RBMS3: variants seen among roughly 807,000 people sequenced by gnomAD.
RBMS3 encodes the protein RNA-binding motif, single-stranded-interacting protein 3.
In RBMS3, 27 loss-of-function variants were observed where a neutral mutation model predicts 66.8. The ratio of observed to expected loss-of-function variants is 0.40; its 90% CI spans 0.30 to 0.56. RBMS3 has a LOEUF of 0.56. Ranked by LOEUF, RBMS3 falls within the 20% of genes least tolerant of loss-of-function variation. The probability of loss-of-function intolerance (pLI) is 0.40; values close to 1 mark genes in which losing one functional copy is unlikely to be tolerated. For missense variants in RBMS3, 513 were observed against 549.5 expected (o/e 0.93, Z 0.66); for synonymous variants, 188 against 183.0 (o/e 1.03, Z -0.22).
intron 1 of RBMS3, among the ~76,000 whole-genome samples, chr3:29,367,129 G>C (rs1018187265): frequency 3.3e-5 from 5 of 152,004 alleles, no homozygotes; most frequent in Admixed American, 3.3e-4. Context: ...GGAGAGAATT[G>C]AATGTGCTTA....
Position 29,587,181 on chromosome 3 carries a change from T to C in RBMS3, c.375T>C (p.Asn125=). Residue 125 remains asparagine, a synonymous_variant, in exon 4 of 15, where the codon AAT becomes AAC. Coordinates refer to ENST00000383767, the MANE Select transcript of RBMS3 (RefSeq NM_001003793.3). ...AQKAVASLKA[N]GVQAQMAKQQ... The stretch of plus-strand genomic sequence containing the variant: ...AAGCGGTAGCATCTCTCAAGGCAAA[T>C]GGCGTGCAGGCACAGATGGCTAAGG... 1 of 1,578,730 alleles carries C rather than the reference T, an allele frequency of 6.3e-7. No individual in the cohort carries two copies. Among genetic ancestry groups the C allele is most frequent in the Non-Finnish European group, 8.6e-7 (1 of 1,160,956 alleles).
chr3:29,816,266 G>A (rs2057893658), intron 6 of RBMS3, among the ~76,000 whole-genome samples: 1 of 151,092 alleles, frequency 6.6e-6, no homozygotes, highest in Non-Finnish European at 1.5e-5. Context: ...AAAGTCATGT[G>A]CATCCCCCTG....
intron 4 of RBMS3, among the ~76,000 whole-genome samples, chr3:29,664,913 T>C (rs1293830881): frequency 6.6e-6 from 1 of 152,012 alleles, no homozygotes; most frequent in Non-Finnish European, 1.5e-5. Context: ...CAAGAATCCA[T>C]TGCGGAAGAA....
At position 30,003,944 on chromosome 3, in the gene RBMS3, C is replaced by T; in HGVS notation, c.*82C>T. ...ACAAGAAGTTGGCTTCCAGTTTGCA[C>T]AGACGTCAATGGAATGCATTTTTTT... On this transcript the variant is annotated 3_prime_UTR_variant, in exon 15 of 15. Coordinates refer to ENST00000383767, the MANE Select transcript of RBMS3 (RefSeq NM_001003793.3). The T allele has an allele frequency of 8.2e-7, 1 of 1,215,104 alleles. No homozygotes were observed. The highest frequency in any genetic ancestry group is 1.1e-6 in the Non-Finnish European group (1 of 903,810). The allele number at this position is 1,215,104 out of a possible 1,614,324, so 75.3% of individuals were successfully genotyped here.
chr3:29,661,464 G>C (rs2050545037), intron 4 of RBMS3, among the ~76,000 whole-genome samples: 1 of 152,018 alleles, frequency 6.6e-6, no homozygotes, highest in African/African-American at 2.4e-5. Context: ...TCCTGTTTTT[G>C]ATAGATCTCA....
intron 4 of RBMS3, among the ~76,000 whole-genome samples, chr3:29,669,870 G>T (rs534608660): frequency 6.6e-6 from 1 of 152,330 alleles, no homozygotes; most frequent in East Asian, 1.9e-4. Context: ...GATTCAGCTA[G>T]CAAGTGCGCT....
Position 29,892,802 on chromosome 3 carries a change from AGTAT to A in RBMS3, c.792-4536_792-4533del, listed in dbSNP as rs370739212. Among the ~76,000 whole-genome samples, 335 of 140,292 alleles carry A rather than the reference AGTAT, an allele frequency of 2.4e-3. 3 individuals carry two copies. Among genetic ancestry groups the A allele is most frequent in the South Asian group, 0.011 (48 of 4,318 alleles). The allele number at this position is 140,292 out of a possible 152,430, so 92.0% of individuals were successfully genotyped here. A position where few individuals can be genotyped will look rare whatever the true frequency, so the allele number is the denominator to read the frequency against. ...CCAGTAGCATGACATCTCTGCTTGAAGTATGTATGTATGTATGTATGTATGTATG... is the reference window on the plus strand; with the variant it reads ...CCAGTAGCATGACATCTCTGCTTGAAGTATGTATGTATGTATGTATGTATG... On this transcript the variant is annotated intron_variant, in intron 8 of 14. Transcript: ENST00000383767.
chr3:29,957,348 G>T (rs904007593), intron 12 of RBMS3, among the ~76,000 whole-genome samples: 1 of 152,044 alleles, frequency 6.6e-6, no homozygotes, highest in Non-Finnish European at 1.5e-5. Context: ...TTGAATAAAT[G>T]ATACCTATAT....
At chr3:29,331,129 T>C (rs1480183896) in intron 1 of RBMS3, among the ~76,000 whole-genome samples, 6 of 152,110 alleles carry the variant, frequency 3.9e-5, no homozygotes, top group African/African-American at 1.4e-4. Flanking sequence ...AAGCCTGTCC[T>C]CTCCCATTTT....
At chr3:29,972,320 G>T (rs1697281497) in intron 12 of RBMS3, among the ~76,000 whole-genome samples, 1 of 151,886 alleles carries the variant, frequency 6.6e-6, no homozygotes, top group Non-Finnish European at 1.5e-5. Flanking sequence ...CCATTTAATT[G>T]TTTCCCTCTA....
At chr3:29,406,677 C>T (rs1433950924) in intron 1 of RBMS3, among the ~76,000 whole-genome samples, 6 of 152,270 alleles carry the variant, frequency 3.9e-5, no homozygotes, top group Non-Finnish European at 8.8e-5. Flanking sequence ...TAACCCTAAG[C>T]TAAACCCTGA....
chr3:29,436,688 A>G (rs2041416729), intron 2 of RBMS3, among the ~76,000 whole-genome samples: 1 of 152,196 alleles, frequency 6.6e-6, no homozygotes, highest in Non-Finnish European at 1.5e-5. Context: ...AAACTCATTT[A>G]TTTTTAAGGG....
At chr3:29,923,014 C>T (rs2060834416) in intron 10 of RBMS3, among the ~76,000 whole-genome samples, 1 of 152,214 alleles carries the variant, frequency 6.6e-6, no homozygotes, top group Non-Finnish European at 1.5e-5. Context: ...ATCATGCCCA[C>T]AGATGCTATT....
intron 5 of RBMS3, among the ~76,000 whole-genome samples, chr3:29,745,271 T>A (rs2054836712): frequency 6.6e-6 from 1 of 152,014 alleles, no homozygotes. Flanking sequence ...CTCTTGTAAC[T>A]TAAAACAATT....
chr3:29,867,640 C>T lies in RBMS3; in HGVS notation c.638-1218C>T, dbSNP rs150845763. On this transcript the variant is annotated intron_variant, in intron 6 of 14. Transcript: ENST00000383767. The stretch of plus-strand genomic sequence containing the variant: ...AAAGAAGCAACTCTCAATACTTAAA[C>T]CCATTTCAAGCTCCTGGTCATGTCT... Among the ~76,000 whole-genome samples, 1,476 of 150,700 alleles carry T rather than the reference C, an allele frequency of 9.8e-3. 17 individuals are homozygous for T. The highest frequency in any genetic ancestry group is 0.021 in the South Asian group (96 of 4,664).
At chr3:29,633,676 G>A (rs1285819093) in intron 4 of RBMS3, among the ~76,000 whole-genome samples, 1 of 151,774 alleles carries the variant, frequency 6.6e-6, no homozygotes, top group African/African-American at 2.4e-5. Context: ...CATAGTACAA[G>A]TAGAGGAAGA....
chr3:29,362,993 T>C (rs533063154), intron 1 of RBMS3, among the ~76,000 whole-genome samples: 9 of 152,186 alleles, frequency 5.9e-5, no homozygotes, highest in Non-Finnish European at 1.0e-4. Flanking sequence ...TTGGGTTGAG[T>C]AGAAATTTTG....
intron 4 of RBMS3, among the ~76,000 whole-genome samples, chr3:29,684,989 G>C (rs2051654140): frequency 6.6e-6 from 1 of 152,114 alleles, no homozygotes; most frequent in African/African-American, 2.4e-5. Context: ...GTGTATGTGT[G>C]TAAGTATAAG....
intron 11 of RBMS3, among the ~76,000 whole-genome samples, chr3:29,942,873 G>C (rs993904532): frequency 6.7e-6 from 1 of 149,918 alleles, no homozygotes; most frequent in Non-Finnish European, 1.5e-5. Context: ...GGTACTAGGA[G>C]TTACTACTAT....
Sources: allele counts gnomAD v4.1 joint callset (sites outside exome capture counted in the v4.1 genomes callset), GRCh38; gene constraint gnomAD v4.1.1; transcripts MANE v1.5; gene names NCBI Gene and HGNC (gene_info 2026-07-23, HGNC 2026-07-21).